Variants in VPS13D observed in about 807,000 individuals in gnomAD.
The protein encoded by VPS13D is vacuolar protein sorting 13 homolog D, also known as intermembrane lipid transfer protein VPS13D.
A neutral mutation model predicts 461.9 loss-of-function variants in VPS13D; 187 were observed. The ratio of observed to expected loss-of-function variants is 0.40; its 90% CI spans 0.36 to 0.46. The LOEUF (loss-of-function observed/expected upper bound fraction) is 0.46, where lower values mean the gene tolerates loss of function less well. Among genes scored for constraint, VPS13D ranks in the 20% least tolerant of loss-of-function variants. The probability of loss-of-function intolerance (pLI) is 0.60; values close to 1 mark genes in which losing one functional copy is unlikely to be tolerated. For missense variants in VPS13D, 4,711 were observed against 5,364.9 expected, an observed-to-expected ratio of 0.88 and a Z score of 3.81; for synonymous variants, 1,951 against 1,986.3, an observed-to-expected ratio of 0.98 and a Z score of 0.47.
chr1:12,465,714 T>C (rs937248224), intron 67 of VPS13D, among the ~76,000 whole-genome samples: 4 of 152,190 alleles, frequency 2.6e-5, no homozygotes, highest in African/African-American at 9.7e-5. Flanking sequence ...TGGAAATGGG[T>C]TTTCTTAAGG....
intron 60 of VPS13D, among the ~76,000 whole-genome samples, chr1:12,389,251 T>C (rs1275055316): frequency 6.6e-6 from 1 of 152,198 alleles, no homozygotes; most frequent in Non-Finnish European, 1.5e-5. Flanking sequence ...CCCAGCCCAC[T>C]GACTCAAATG....
chr1:12,391,260 G>A (rs915442706), intron 60 of VPS13D, among the ~76,000 whole-genome samples: 16 of 152,210 alleles, frequency 1.1e-4, no homozygotes, highest in Non-Finnish European at 2.4e-4. Flanking sequence ...AGGGGCTGTA[G>A]TGCTGCAGCT....
intron 60 of VPS13D, 34 bp from the exon 61 acceptor site, chr1:12,400,147 T>C (rs1487460145): frequency 6.2e-7 from 1 of 1,605,142 alleles, no homozygotes; most frequent in African/African-American, 1.3e-5. Flanking sequence ...TGGTCTGTTT[T>C]TGTTTTTGCT....
In VPS13D at chr1:12,470,378, C is replaced by T. The variant is rs146113201; in HGVS notation, c.12662+9982C>T. 4.3e-3 allele frequency among the ~76,000 whole-genome samples: 659 copies of T among 152,316 alleles called. 1 individual carries two copies. The highest frequency in any genetic ancestry group is 0.015 in the African/African-American group (634 of 41,578). On this transcript the variant is annotated intron_variant, in intron 67 of 69. Coordinates refer to ENST00000620676, the MANE Select transcript of VPS13D (RefSeq NM_015378.4). ...GGTAATAACTGGCACCTGCCCACCT[C>T]CTGAGGTGTTAGAGGCCAAATTACC...
intron 50 of VPS13D, among the ~76,000 whole-genome samples, chr1:12,361,927 T>C (rs1397408950): frequency 6.6e-6 from 1 of 152,204 alleles, no homozygotes; most frequent in African/African-American, 2.4e-5. Context: ...GGTGCAATCT[T>C]GGCTCATTGC....
chr1:12,402,081 G>A (rs1251281714), intron 62 of VPS13D, among the ~76,000 whole-genome samples: 2 of 152,178 alleles, frequency 1.3e-5, no homozygotes, highest in Non-Finnish European at 2.9e-5. Context: ...TTCTTAAACA[G>A]ACTCCAGGCC....
Position 12,253,726 on chromosome 1 carries a change from A to G in VPS13D, c.569A>G (p.Gln190Arg), listed in dbSNP as rs1640816996. 1 of 1,613,640 alleles carries G rather than the reference A, an allele frequency of 6.2e-7. No individual in the cohort carries two copies. Among genetic ancestry groups the G allele is most frequent in the Non-Finnish European group, 8.5e-7 (1 of 1,179,580 alleles). Residue 190 changes from glutamine (Q) to arginine (R), a missense_variant, in exon 7 of 70, where the codon CAG (glutamine) becomes CGG (arginine). By Grantham distance (43) the Gln-to-Arg change is conservative. Around this residue, in one of 3 missense-constraint regions of VPS13D, gnomAD observed 4,411 missense variants for 4,937.8 expected, o/e 0.89. Coordinates refer to ENST00000620676, the MANE Select transcript of VPS13D (RefSeq NM_015378.4). Reference sequence around the variant, plus strand: ...TCTTTGTCTTTTTTACCTCAGGTACAGAAACTAATGCGGAAAAAGCAATTA... The same window carrying G: ...TCTTTGTCTTTTTTACCTCAGGTACGGAAACTAATGCGGAAAAAGCAATTA... ...SMQNAVNEPV[Q>R]KLMRKKQLDV...
chr1:12,356,290 A>AT, intron 48 of VPS13D, 108 bp from the exon 49 acceptor site: 1 of 1,442,022 alleles, frequency 6.9e-7, no homozygotes. Context: ...CACTAAATAG[A>AT]TTCAGTTTTC....
rs1643746974 is a variant in VPS13D, at chr1:12,349,378, T to C, written c.9431+4T>C. The C allele has an allele frequency of 6.2e-7, 1 of 1,613,680 alleles. No homozygotes were observed. On this transcript the variant is annotated splice_donor_region_variant and intron_variant, in intron 46 of 69. Transcript: ENST00000620676. ...CAGAAAAAAGCCGATTTTTCAGGTA[T>C]GTAGCACCACTGCAGTGACATGTCA...
rs75161210 is a variant in VPS13D at position 12,237,343 on chromosome 1, A to G, written c.97+2980A>G. 2.8e-4 allele frequency among the ~76,000 whole-genome samples: 39 copies of G among 139,720 alleles called. 3 individuals are homozygous for G. The highest frequency in any genetic ancestry group is 2.3e-3 in the Admixed American group (31 of 13,748). 91.7% of individuals were successfully genotyped at this position (139,720 alleles called of 152,430 possible). ...CTTTTCTACAAAAAAAAAAAAAAAA[A>G]TTAGCTGGGTATGGTGGCGCATGCC... is the stretch of plus-strand genomic sequence containing the variant. On this transcript the variant is annotated intron_variant, in intron 2 of 69. Transcript: ENST00000620676.
intron 2 of VPS13D, among the ~76,000 whole-genome samples, chr1:12,240,595 CAA>C (rs781165302): frequency 1.1e-3 from 49 of 43,042 alleles, no homozygotes; most frequent in Admixed American, 3.1e-3. Flanking sequence ...GATTCCATCT[CAA>C]AAAAAAAAAA....
chr1:12,343,942 GT>G (rs1195098495), intron 42 of VPS13D, among the ~76,000 whole-genome samples: 14 of 152,178 alleles, frequency 9.2e-5, no homozygotes, highest in African/African-American at 3.1e-4. Flanking sequence ...CAAGCAGCTA[GT>G]TTCAGGACTC....
intron 60 of VPS13D, among the ~76,000 whole-genome samples, chr1:12,387,648 G>A (rs1272696574): frequency 6.6e-6 from 1 of 152,212 alleles, no homozygotes; most frequent in African/African-American, 2.4e-5. Flanking sequence ...TGTATTCTCT[G>A]TGTTCAAAAG....
chr1:12,471,510 C>G (rs1325924619), intron 67 of VPS13D, among the ~76,000 whole-genome samples: 1 of 152,196 alleles, frequency 6.6e-6, no homozygotes, highest in Non-Finnish European at 1.5e-5. Flanking sequence ...CAATCACTTT[C>G]AACACTTTGG....
rs1644348841 is a variant in VPS13D at position 12,386,177 on chromosome 1, C to T, written c.11485-8C>T. ...CAATCAGGGTGCCATATTTTGGTTT[C>T]CTTTCAGGTGCTTGTGAGGTTAGAA... On this transcript the variant is annotated splice_region_variant and splice_polypyrimidine_tract_variant and intron_variant, in intron 59 of 69. Transcript: ENST00000620676. The T allele has an allele frequency of 1.9e-6, 3 of 1,605,858 alleles. No homozygotes were observed. Among genetic ancestry groups the T allele is most frequent in the Non-Finnish European group, 1.7e-6 (2 of 1,176,500 alleles).
At chr1:12,402,050 A>G (rs1173063936) in intron 62 of VPS13D, among the ~76,000 whole-genome samples, 1 of 152,174 alleles carries the variant, frequency 6.6e-6, no homozygotes, top group Non-Finnish European at 1.5e-5. Flanking sequence ...TTAGCAAACC[A>G]TTTTGTTTCC....
At position 12,503,325 on chromosome 1, in the gene VPS13D, G is replaced by A. The variant is rs72869528; in HGVS notation, c.12795-3528G>A. On this transcript the variant is annotated intron_variant, in intron 68 of 69. Coordinates refer to ENST00000620676, the MANE Select transcript of VPS13D (RefSeq NM_015378.4). ...ATCCTCTTTCTCTCCTTAAAGGGGA[G>A]TTAAAACTTTTTTCTTTCTTCTTCT... 4.0e-3 allele frequency among the ~76,000 whole-genome samples: 601 copies of A among 152,012 alleles called. 5 individuals carry two copies. The highest frequency in any genetic ancestry group is 0.014 in the African/African-American group (581 of 41,486).
At chr1:12,273,942 A>G (rs1641531148) in intron 18 of VPS13D, among the ~76,000 whole-genome samples, 1 of 152,110 alleles carries the variant, frequency 6.6e-6, no homozygotes, top group Non-Finnish European at 1.5e-5. Context: ...CCATTTCTGC[A>G]ATGTAGACAT....
rs371638109 is a variant in VPS13D at position 12,271,042 on chromosome 1, G to A, written c.2021G>A (p.Arg674Gln). ...GAGCTGAGAGTGGCTGAAGCTGCCC[G>A]AAGACAATATAACAAGCTGAAGATG... ...ELELRVAEAA[R>Q]RQYNKLKMQT... is the part of the protein sequence containing the mutation. The change falls in exon 17 of 70, where the codon CGA becomes CAA. Residue 674 changes from arginine (R) to glutamine (Q), a missense_variant. Physicochemically the swap from Arg to Gln is conservative, Grantham distance 43. Coordinates refer to ENST00000620676, the MANE Select transcript of VPS13D (RefSeq NM_015378.4). 4.6e-5 allele frequency: 74 copies of A among 1,613,800 alleles called. 1 individual carries two copies. Among genetic ancestry groups the A allele is most frequent in the Non-Finnish European group, 6.0e-5 (71 of 1,179,918 alleles).
Sources: allele counts gnomAD v4.1 joint callset (sites outside exome capture counted in the v4.1 genomes callset), GRCh38; gene constraint gnomAD v4.1.1; regional missense constraint gnomAD v4.1.1; transcripts MANE v1.5; gene names NCBI Gene and HGNC (gene_info 2026-07-23, HGNC 2026-07-21).